The following SUPT3H variants were observed in gnomAD, a reference collection of about 807,000 sequenced individuals.
The protein encoded by SUPT3H is SPT3 homolog, SAGA and STAGA complex component, also known as transcription initiation protein SPT3 homolog.
SUPT3H carries 44 observed loss-of-function variants against 44.3 expected under a neutral mutation model. The ratio of observed to expected loss-of-function variants is 0.99; its 90% confidence interval spans 0.78 to 1.28. The LOEUF (loss-of-function observed/expected upper bound fraction) is 1.28. SUPT3H is among the 50% of genes most tolerant of loss of function. The probability of loss-of-function intolerance (pLI) is 0.00; values close to 1 mark genes in which losing one functional copy is unlikely to be tolerated. For missense variants in SUPT3H, 380 were observed against 387.1 expected (o/e 0.98, Z 0.15); for synonymous variants, 124 against 125.6 (o/e 0.99, Z 0.09).
At chr6:45,216,117 T>G (rs1337857126) in intron 2 of SUPT3H, among the ~76,000 whole-genome samples, 3 of 152,032 alleles carry the variant, frequency 2.0e-5, no homozygotes, top group Non-Finnish European at 4.4e-5. Flanking sequence ...AATATACACA[T>G]TCCCAGACTA....
At chr6:44,869,257 C>A (rs908725121) in intron 10 of SUPT3H, among the ~76,000 whole-genome samples, 1 of 152,064 alleles carries the variant, frequency 6.6e-6, no homozygotes, top group East Asian at 1.9e-4. Flanking sequence ...ATATCACACC[C>A]CAAAGGCTGT....
At chr6:44,901,473 A>C (rs1417953852) in intron 10 of SUPT3H, among the ~76,000 whole-genome samples, 2 of 151,768 alleles carry the variant, frequency 1.3e-5, no homozygotes, top group Non-Finnish European at 2.9e-5. Flanking sequence ...AGTTTAGAGA[A>C]AAAAGAATAA....
chr6:45,005,297 G>A (rs1782553027), intron 5 of SUPT3H, among the ~76,000 whole-genome samples: 1 of 152,058 alleles, frequency 6.6e-6, no homozygotes, highest in African/African-American at 2.4e-5. Flanking sequence ...TAATTGTCTA[G>A]TTTTATCCTT....
intron 10 of SUPT3H, among the ~76,000 whole-genome samples, chr6:44,843,028 A>C (rs1236929686): frequency 6.6e-6 from 1 of 152,192 alleles, no homozygotes; most frequent in African/African-American, 2.4e-5. Context: ...TGGATAAAAA[A>C]TATCCAATAT....
At chr6:45,268,478 T>C (rs1775608689) in intron 2 of SUPT3H, among the ~76,000 whole-genome samples, 1 of 152,160 alleles carries the variant, frequency 6.6e-6, no homozygotes, top group South Asian at 2.1e-4. Flanking sequence ...ACGATTCGGA[T>C]AAATTGGAGA....
At chr6:45,324,757 T>C (rs1584918247) in intron 2 of SUPT3H, among the ~76,000 whole-genome samples, 1 of 151,954 alleles carries the variant, frequency 6.6e-6, no homozygotes, top group Non-Finnish European at 1.5e-5. Context: ...ATCAGGGAAA[T>C]GGTGCTAGTT....
intron 10 of SUPT3H, among the ~76,000 whole-genome samples, chr6:44,888,970 C>T (rs9472399): frequency 0.98 from 89,991 of 91,902 alleles, 44,132 homozygotes; most frequent in South Asian, 1. Context: ...TATACACCAA[C>T]AACAGACAAA....
chr6:44,904,123 G>A (rs1307262653), intron 10 of SUPT3H, among the ~76,000 whole-genome samples: 2 of 152,178 alleles, frequency 1.3e-5, no homozygotes, highest in Non-Finnish European at 2.9e-5. Flanking sequence ...ACTGGCACAA[G>A]ACAGGGATGC....
intron 2 of SUPT3H, among the ~76,000 whole-genome samples, chr6:45,158,307 T>A (rs921827419): frequency 0.013 from 1,644 of 130,338 alleles, 54 homozygotes; most frequent in Non-Finnish European, 0.016. Flanking sequence ...TATTTTTTTT[T>A]TTTTTTTTTT....
intron 2 of SUPT3H, among the ~76,000 whole-genome samples, chr6:45,290,629 A>G (rs1330255317): frequency 1.3e-5 from 2 of 152,176 alleles, no homozygotes; most frequent in Non-Finnish European, 2.9e-5. Flanking sequence ...TTAAAAAACT[A>G]AAAACTAAGT....
intron 3 of SUPT3H, among the ~76,000 whole-genome samples, chr6:45,041,407 G>A (rs1165029673): frequency 6.6e-6 from 1 of 152,102 alleles, no homozygotes; most frequent in Non-Finnish European, 1.5e-5. Context: ...CAGGTACAGG[G>A]AAGAACATGT....
At chr6:45,037,879 T>G (rs1353675508) in intron 3 of SUPT3H, among the ~76,000 whole-genome samples, 2 of 151,952 alleles carry the variant, frequency 1.3e-5, no homozygotes, top group African/African-American at 4.8e-5. Flanking sequence ...TCTATAACTT[T>G]CTGTATTTTT....
rs1768069219 is a variant in SUPT3H, at chr6:44,828,624, G to A, written c.*1192C>T. 6.6e-6 allele frequency: 1 copy of A among 152,084 alleles called. No individual in the cohort carries two copies. The highest frequency in any genetic ancestry group is 2.1e-4 in the South Asian group (1 of 4,824). 9.4% of individuals were successfully genotyped at this position (152,084 alleles called of 1,614,324 possible). A position where few individuals can be genotyped will look rare whatever the true frequency, so the allele number is the denominator to read the frequency against. ...TTTATACTTCCAAATTTGGGTGAAG[G>A]GAGAACTATTTCTACTTTCTTTACC... On this transcript the variant is annotated 3_prime_UTR_variant, in exon 11 of 11. Transcript: ENST00000371459.
At chr6:45,296,212 ACAATG>A (rs1229249588) in intron 2 of SUPT3H, among the ~76,000 whole-genome samples, 5 of 151,832 alleles carry the variant, frequency 3.3e-5, no homozygotes, top group Non-Finnish European at 7.4e-5. Context: ...ACACACACAC[ACAATG>A]CAACACTACT....
At chr6:45,099,188 A>G (rs1798203055) in intron 3 of SUPT3H, 2 of 255,442 alleles carry the variant, frequency 7.8e-6, no homozygotes, top group South Asian at 4.4e-5. Flanking sequence ...TTTCATGACA[A>G]CTCCAGGATT....
At chr6:45,245,243 T>C (rs1771134751) in intron 2 of SUPT3H, among the ~76,000 whole-genome samples, 1 of 152,146 alleles carries the variant, frequency 6.6e-6, no homozygotes, top group Admixed American at 6.5e-5. Flanking sequence ...TATTCTGAGT[T>C]CCAAACAATT....
intron 2 of SUPT3H, among the ~76,000 whole-genome samples, chr6:45,356,108 G>C (rs1470008624): frequency 6.6e-6 from 1 of 152,134 alleles, no homozygotes; most frequent in Non-Finnish European, 1.5e-5. Flanking sequence ...CTCTAGAAAA[G>C]TGGTTGTGTA....
In SUPT3H at chr6:44,861,135, G is replaced by A. The variant is rs114475591; in HGVS notation, c.913-31278C>T. ...GTGTCACTCTGTGATTCAGGCTGGA[G>A]TGTAGTAGCACGATCACAGCTCACT... On this transcript the variant is annotated intron_variant, in intron 10 of 10. Transcript: ENST00000371459. Among the ~76,000 whole-genome samples the A allele has an allele frequency of 6.5e-3, 991 of 152,272 alleles. 11 individuals carry two copies. Among genetic ancestry groups the A allele is most frequent in the African/African-American group, 0.023 (936 of 41,558 alleles).
intron 10 of SUPT3H, among the ~76,000 whole-genome samples, chr6:44,930,335 C>A (rs918656851): frequency 2.6e-5 from 4 of 150,950 alleles, no homozygotes; most frequent in Admixed American, 2.6e-4. Context: ...GAGCCGAGTT[C>A]GCGCCACTGC....
Sources: gnomAD v4.1 joint callset for allele counts (sites outside exome capture counted in the v4.1 genomes callset) on GRCh38, gnomAD v4.1.1 for gene constraint, MANE v1.5 for transcripts, NCBI Gene and HGNC (gene_info 2026-07-23, HGNC 2026-07-21) for gene names.